Variants in GALNT18 observed in about 807,000 individuals in gnomAD.
GALNT18 encodes the protein polypeptide N-acetylgalactosaminyltransferase 18.
In GALNT18, 44 loss-of-function variants were observed where a neutral mutation model predicts 69.5. The observed-to-expected ratio is 0.63, with a 90% CI of 0.50 to 0.81. The LOEUF is 0.81. Among genes scored for constraint, GALNT18 ranks in the 40% least tolerant of loss-of-function variants. GALNT18 has a pLI of 0.00. For synonymous variants in GALNT18, 364 were observed against 318.2 expected (o/e 1.14, Z -1.53); for missense variants, 715 against 810.0 (o/e 0.88, Z 1.42).
At chr11:11,419,596 C>CAAA (rs58012512) in intron 3 of GALNT18, among the ~76,000 whole-genome samples, 16 of 26,606 alleles carry the variant, frequency 6.0e-4, no homozygotes, top group African/African-American at 1.1e-3. Flanking sequence ...GATCCTGTCT[C>CAAA]AAAAAAAAAA....
rs776001815 is a variant in GALNT18, at chr11:11,511,581, C to T, written c.236-62645G>A. On this transcript the variant is annotated intron_variant, in intron 1 of 10. Transcript: ENST00000227756. The surrounding 1 kb of genome is among the most constrained non-coding windows in gnomAD (Gnocchi z 4.9). ...TCTCTCCAGAAAATGCATACATGTGCACACTGTGTTATGGAATGAAAGCTT... is the reference window on the plus strand; with the variant it reads ...TCTCTCCAGAAAATGCATACATGTGTACACTGTGTTATGGAATGAAAGCTT... Among the ~76,000 whole-genome samples, 17 of 152,180 alleles carry T rather than the reference C, an allele frequency of 1.1e-4. No homozygotes were observed. Among genetic ancestry groups the T allele is most frequent in the Non-Finnish European group, 2.2e-4 (15 of 68,040 alleles).
intron 3 of GALNT18, among the ~76,000 whole-genome samples, chr11:11,386,551 T>G (rs1446844038): frequency 2.6e-5 from 4 of 152,250 alleles, no homozygotes; most frequent in Non-Finnish European, 4.4e-5. Context: ...GATGTGTGTT[T>G]GATGGCTTAA....
intron 1 of GALNT18, among the ~76,000 whole-genome samples, chr11:11,507,955 G>A (rs7358499): frequency 0.035 from 5,392 of 152,202 alleles, 234 homozygotes; most frequent in African/African-American, 0.11. Context: ...TTCTACCTTC[G>A]ACCACAGACT....
In GALNT18 at chr11:11,404,446, T is replaced by G. The variant is rs1176423218; in HGVS notation, c.596-25182A>C. On this transcript the variant is annotated intron_variant, in intron 3 of 10. Coordinates refer to ENST00000227756, the MANE Select transcript of GALNT18 (RefSeq NM_198516.3). The surrounding 1 kb of genome is among the most constrained non-coding windows in gnomAD (Gnocchi z 4.5). Reference sequence around the variant, plus strand: ...GGAGCAGGAGCAGGAGCTGAAGCACTCAAAGGCTGATGTAAGCCCTGGCCC... The same window carrying G: ...GGAGCAGGAGCAGGAGCTGAAGCACGCAAAGGCTGATGTAAGCCCTGGCCC... Among the ~76,000 whole-genome samples, 2 of 152,130 alleles carry G rather than the reference T, an allele frequency of 1.3e-5. No individual in the cohort carries two copies. The highest frequency in any genetic ancestry group is 4.8e-5 in the African/African-American group (2 of 41,436).
intron 10 of GALNT18, among the ~76,000 whole-genome samples, chr11:11,281,263 C>T (rs1328758619): frequency 6.6e-6 from 1 of 152,202 alleles, no homozygotes; most frequent in Non-Finnish European, 1.5e-5. Flanking sequence ...AGCTGTGTGG[C>T]CTGGGCAAGC....
intron 2 of GALNT18, among the ~76,000 whole-genome samples, chr11:11,437,256 T>C (rs183389796): frequency 2.6e-5 from 4 of 152,238 alleles, no homozygotes; most frequent in Admixed American, 6.5e-5. Context: ...CATATTCTCC[T>C]GTAAAATTAA....
In GALNT18 at chr11:11,435,198, C is replaced by G. The variant is rs1855371125; in HGVS notation, c.429-2411G>C. 6.6e-6 allele frequency among the ~76,000 whole-genome samples: 1 copy of G among 152,150 alleles called. No individual in the cohort carries two copies. Among genetic ancestry groups the G allele is most frequent in the South Asian group, 2.1e-4 (1 of 4,820 alleles). On this transcript the variant is annotated intron_variant, in intron 2 of 10. Transcript: ENST00000227756. The surrounding 1 kb of genome is among the most constrained non-coding windows in gnomAD (Gnocchi z 4.4). ...CGGGGTCTGCACTGCGTTCCCAGAG[C>G]CTCAGTATCCAAATTTCCAGGGTGT... is the stretch of plus-strand genomic sequence containing the variant.
chr11:11,428,739 T>C (rs958566797), intron 3 of GALNT18, among the ~76,000 whole-genome samples: 3 of 152,182 alleles, frequency 2.0e-5, no homozygotes, highest in African/African-American at 7.2e-5. Context: ...GCACTCAGGG[T>C]CTCAAGAACA....
intron 9 of GALNT18, among the ~76,000 whole-genome samples, chr11:11,299,268 C>G (rs912377284): frequency 6.6e-6 from 1 of 152,180 alleles, no homozygotes; most frequent in Admixed American, 6.5e-5. Context: ...ACTCAGCCTC[C>G]CAAGTGGCTG....
At position 11,454,268 on chromosome 11, in the gene GALNT18, G is replaced by A. The variant is rs913334006; in HGVS notation, c.236-5332C>T. Among the ~76,000 whole-genome samples, 6 of 152,136 alleles carry A rather than the reference G, an allele frequency of 3.9e-5. No homozygotes were observed. The highest frequency in any genetic ancestry group is 1.9e-4 in the East Asian group (1 of 5,186). ...TAAGCAAATGATTGTGCACAGTTAC[G>A]CAGACTGGCACGGCATGTTTAAGAG... On this transcript the variant is annotated intron_variant, in intron 1 of 10. Transcript: ENST00000227756. This position sits in a 1 kb window ranked among gnomAD's most constrained non-coding sequence, Gnocchi z 4.2.
intron 3 of GALNT18, among the ~76,000 whole-genome samples, chr11:11,391,428 G>T (rs1361017494): frequency 6.6e-6 from 1 of 152,210 alleles, no homozygotes; most frequent in African/African-American, 2.4e-5. Flanking sequence ...CAGCACTTTG[G>T]CTCCAAATTC....
At chr11:11,612,793 T>C (rs1200939496) in intron 1 of GALNT18, among the ~76,000 whole-genome samples, 4 of 152,238 alleles carry the variant, frequency 2.6e-5, no homozygotes, top group Non-Finnish European at 4.4e-5. Flanking sequence ...AGCCTCCTTG[T>C]AGGCATCATT....
intron 1 of GALNT18, among the ~76,000 whole-genome samples, chr11:11,486,004 G>C (rs973649362): frequency 1.3e-5 from 2 of 152,206 alleles, no homozygotes; most frequent in Non-Finnish European, 2.9e-5. Flanking sequence ...AGCACAGTGA[G>C]AGCATCACAG....
chr11:11,371,433 A>G (rs1332416757), intron 6 of GALNT18, among the ~76,000 whole-genome samples: 1 of 152,222 alleles, frequency 6.6e-6, no homozygotes, highest in Non-Finnish European at 1.5e-5. Context: ...CTAAGGCCAA[A>G]GATGCCAGAG....
chr11:11,448,896 G>A lies in GALNT18; in HGVS notation c.276C>T (p.Phe92=). Residue 92 remains phenylalanine (F), a synonymous_variant, in exon 2 of 11, where the codon TTC becomes TTT. Transcript: ENST00000227756. The stretch of plus-strand genomic sequence containing the variant: ...AGTGTGCAAACAGAGAGGAGTCTGT[G>A]AAGGGCTCGGCCTCTGCCTCCTCAG... ...AKPEEAEAEP[F]TDSSLFAHWG... 6.2e-7 allele frequency: 1 copy of A among 1,603,106 alleles called. No homozygotes were observed. Among genetic ancestry groups the A allele is most frequent in the Non-Finnish European group, 8.5e-7 (1 of 1,175,014 alleles).
chr11:11,524,140 C>T (rs184858692), intron 1 of GALNT18, among the ~76,000 whole-genome samples: 1 of 152,226 alleles, frequency 6.6e-6, no homozygotes, highest in African/African-American at 2.4e-5. Context: ...CTAGTAGAAG[C>T]CTGTTCTGAT....
intron 1 of GALNT18, among the ~76,000 whole-genome samples, chr11:11,522,324 C>G (rs913202708): frequency 3.0e-4 from 46 of 152,332 alleles, no homozygotes; most frequent in Non-Finnish European, 2.2e-4. Context: ...CATCCCATCC[C>G]TCTTTCCACA....
chr11:11,289,963 C>T (rs1238723542), intron 10 of GALNT18, among the ~76,000 whole-genome samples: 1 of 152,148 alleles, frequency 6.6e-6, no homozygotes, highest in Non-Finnish European at 1.5e-5. Context: ...GGGCTGGAGG[C>T]TTACTTCAGT....
At chr11:11,467,757 T>C (rs1249086028) in intron 1 of GALNT18, among the ~76,000 whole-genome samples, 1 of 152,068 alleles carries the variant, frequency 6.6e-6, no homozygotes, top group Non-Finnish European at 1.5e-5. Flanking sequence ...TCTCTGGAGG[T>C]GGGGTTTGGG....
Sources: allele counts gnomAD v4.1 joint callset (sites outside exome capture counted in the v4.1 genomes callset), GRCh38; gene constraint gnomAD v4.1.1; non-coding constraint Gnocchi (gnomAD v3.1); transcripts MANE v1.5; gene names NCBI Gene and HGNC (gene_info 2026-07-23, HGNC 2026-07-21).